USP32: variants seen among roughly 807,000 people sequenced by gnomAD.
USP32 encodes the protein ubiquitin specific peptidase 32, also known as ubiquitin carboxyl-terminal hydrolase 32.
Under a neutral mutation model 204.8 loss-of-function variants are expected in USP32, and 59 were observed. The observed-to-expected ratio is 0.29, with a 90% CI of 0.23 to 0.36. The LOEUF (loss-of-function observed/expected upper bound fraction) is 0.36, where lower values mean the gene tolerates loss of function less well. Ranked by LOEUF, USP32 falls within the 10% of genes least tolerant of loss-of-function variation. The pLI is 1.00. For missense variants in USP32, 1,160 were observed against 1,946.4 expected (o/e 0.60, Z 7.60); for synonymous variants, 517 against 678.4 (o/e 0.76, Z 3.70).
In USP32 at chr17:60,337,983, T is replaced by C. The variant is rs558929930; in HGVS notation, c.186+7498A>G. Among the ~76,000 whole-genome samples, 11 of 152,324 alleles carry C rather than the reference T, an allele frequency of 7.2e-5. No individual in the cohort carries two copies. In the South Asian group the frequency reaches 1.7e-3, roughly 23 times the overall value. On this transcript the variant is annotated intron_variant, in intron 2 of 33. Transcript: ENST00000300896. ...TATGTACTACAGATTCAGGCTTTAATGCTTGAAAGAGAGTTTAGGATAAGA... is the reference window on the plus strand; with the variant it reads ...TATGTACTACAGATTCAGGCTTTAACGCTTGAAAGAGAGTTTAGGATAAGA...
At chr17:60,236,952 A>G (rs1197456688) in intron 11 of USP32, among the ~76,000 whole-genome samples, 13 of 152,154 alleles carry the variant, frequency 8.5e-5, no homozygotes. Flanking sequence ...ATAGTATTCC[A>G]CTGTATGTAT....
Position 60,208,748 on chromosome 17 carries a change from G to T in USP32, c.2679C>A (p.Cys893Ter), listed in dbSNP as rs2084892608. The T allele has an allele frequency of 6.2e-7, 1 of 1,605,404 alleles. No individual in the cohort carries two copies. The highest frequency in any genetic ancestry group is 8.5e-7 in the Non-Finnish European group (1 of 1,177,080). Residue 893 changes from cysteine to a stop codon, truncating the protein, a stop_gained, in exon 23 of 34, where the codon TGC becomes TGA. Coordinates refer to ENST00000300896, the MANE Select transcript of USP32 (RefSeq NM_032582.4). LOFTEE classifies it high-confidence loss of function. ...FHGQLRSQVKCKTCGHISVRF... is the reference protein window; with the variant it reads ...FHGQLRSQVK ...GGACACTTATATGCCCACATGTCTT[G>T]CATTTTACTTGAGATCTTAGCTGCC... is the stretch of plus-strand genomic sequence containing the variant.
intron 1 of USP32, among the ~76,000 whole-genome samples, chr17:60,403,498 A>G (rs1219439465): frequency 2.0e-5 from 3 of 152,168 alleles, no homozygotes; most frequent in Non-Finnish European, 4.4e-5. Flanking sequence ...TGTAAGATGC[A>G]TACACCGTTT....
chr17:60,305,240 G>A (rs2087693506), intron 2 of USP32: 1 of 152,194 alleles, frequency 6.6e-6, no homozygotes, highest in Admixed American at 6.5e-5. Flanking sequence ...AGCTTCTCAT[G>A]AGGCCTCAGA....
At chr17:60,276,268 C>T (rs1018170834) in intron 5 of USP32, among the ~76,000 whole-genome samples, 10 of 151,954 alleles carry the variant, frequency 6.6e-5, no homozygotes, top group Non-Finnish European at 1.0e-4. Flanking sequence ...ATGCTGTTTT[C>T]GTTTTTTAAT....
Position 60,255,287 on chromosome 17 carries a change from A to C in USP32, c.991-29T>G, listed in dbSNP as rs374476139. The stretch of plus-strand genomic sequence containing the variant: ...AAACAGAGACACTCATGTTAGGAAC[A>C]TCTTTTTTTTCTTTTTTTTTTTTTT... On this transcript the variant is annotated intron_variant, in intron 9 of 33. Transcript: ENST00000300896. 6.7e-6 allele frequency: 10 copies of C among 1,502,340 alleles called. No homozygotes were observed. The African/African-American group carries it at 1.5e-4, about 22-fold the overall frequency. The allele number at this position is 1,502,340 out of a possible 1,614,324, so 93.1% of individuals were successfully genotyped here.
intron 11 of USP32, among the ~76,000 whole-genome samples, chr17:60,247,440 A>T (rs2086058956): frequency 1.3e-5 from 2 of 152,146 alleles, no homozygotes; most frequent in African/African-American, 4.8e-5. Context: ...TCGGCCTCCC[A>T]AAGTGCTGGG....
chr17:60,230,896 A>T (rs2085529736), intron 12 of USP32, among the ~76,000 whole-genome samples: 1 of 152,164 alleles, frequency 6.6e-6, no homozygotes, highest in Non-Finnish European at 1.5e-5. Context: ...TTGACTGTTC[A>T]TTTCTGGCTG....
In USP32 at chr17:60,223,632, A is replaced by G. The variant is rs1004051224; in HGVS notation, c.1433-46T>C. Reference sequence around the variant, plus strand: ...AGAATCTCTTATTTTTAGTTATTATACATAAACAGGCTTGAGGATATGAAC... The same window carrying G: ...AGAATCTCTTATTTTTAGTTATTATGCATAAACAGGCTTGAGGATATGAAC... On this transcript the variant is annotated intron_variant, in intron 13 of 33. Coordinates refer to ENST00000300896, the MANE Select transcript of USP32 (RefSeq NM_032582.4). 30 of 1,531,584 alleles carry G rather than the reference A, an allele frequency of 2.0e-5. 1 individual carries two copies. Among genetic ancestry groups the G allele is most frequent in the East Asian group, 1.1e-4 (5 of 44,142 alleles). The allele number at this position is 1,531,584 out of a possible 1,614,324, so 94.9% of individuals were successfully genotyped here. A position where few individuals can be genotyped will look rare whatever the true frequency, so the allele number is the denominator to read the frequency against.
intron 14 of USP32, 76 bp from the exon 15 acceptor site, chr17:60,222,625 G>A: frequency 7.1e-7 from 1 of 1,418,230 alleles, no homozygotes; most frequent in Non-Finnish European, 9.6e-7. Flanking sequence ...CCTAGAAACA[G>A]GAAAACAAAC....
At chr17:60,227,096 T>A (rs910681313) in intron 12 of USP32, among the ~76,000 whole-genome samples, 22 of 151,546 alleles carry the variant, frequency 1.5e-4, no homozygotes, top group African/African-American at 5.1e-4. Flanking sequence ...TTGTATTGTT[T>A]ATATAGTGCT....
At position 60,259,555 on chromosome 17, in the gene USP32, C is replaced by T. The variant is rs574184912; in HGVS notation, c.991-4297G>A. Among the ~76,000 whole-genome samples the T allele has an allele frequency of 1.4e-4, 22 of 152,090 alleles. No homozygotes were observed. The South Asian group carries it at 1.7e-3, about 11-fold the overall frequency. ...AGCCACTAACCTGAACTGGAATAAG[C>T]GGGTTGGAAATGAATACAAATTACC... On this transcript the variant is annotated intron_variant, in intron 9 of 33. Transcript: ENST00000300896.
intron 1 of USP32, among the ~76,000 whole-genome samples, chr17:60,380,668 CAT>C (rs1272444040): frequency 2.0e-5 from 3 of 152,162 alleles, no homozygotes; most frequent in African/African-American, 7.2e-5. Flanking sequence ...TAGGAATACA[CAT>C]GTCAAATTAT....
At chr17:60,228,064 C>T (rs372244335) in intron 12 of USP32, among the ~76,000 whole-genome samples, 32 of 151,048 alleles carry the variant, frequency 2.1e-4, no homozygotes, top group African/African-American at 7.3e-4. Context: ...CAAGCTCTGT[C>T]GCCCAGGCTG....
chr17:60,349,666 C>CAT (rs199503346), intron 1 of USP32, among the ~76,000 whole-genome samples: 18,605 of 108,916 alleles, frequency 0.17, 3,644 homozygotes, highest in African/African-American at 0.51. Context: ...TATATATACA[C>CAT]ATATATATAT....
intron 28 of USP32, among the ~76,000 whole-genome samples, chr17:60,192,117 C>T (rs2084398740): frequency 1.3e-5 from 2 of 151,826 alleles, no homozygotes; most frequent in Admixed American, 1.3e-4. Flanking sequence ...ATGGCAAAAC[C>T]CCATTTCTAC....
intron 1 of USP32, among the ~76,000 whole-genome samples, chr17:60,415,818 T>C (rs1180930205): frequency 3.3e-5 from 5 of 152,250 alleles, no homozygotes; most frequent in East Asian, 3.9e-4. Flanking sequence ...TTTTAAGATA[T>C]GCTTGGTGGT....
At chr17:60,346,105 AATAAGT>A in intron 1 of USP32, among the ~76,000 whole-genome samples, 1 of 151,984 alleles carries the variant, frequency 6.6e-6, no homozygotes, top group Non-Finnish European at 1.5e-5. Flanking sequence ...TAATTTAGAA[AATAAGT>A]ATAATTTTTT....
chr17:60,259,193 T>C (rs2086391308), intron 9 of USP32, among the ~76,000 whole-genome samples: 1 of 152,280 alleles, frequency 6.6e-6, no homozygotes, highest in East Asian at 1.9e-4. Flanking sequence ...GAAGATGCAT[T>C]TACAGATCAC....
Sources: gnomAD v4.1 joint callset for allele counts (sites outside exome capture counted in the v4.1 genomes callset) on GRCh38, gnomAD v4.1.1 for gene constraint, MANE v1.5 for transcripts, NCBI Gene and HGNC (gene_info 2026-07-23, HGNC 2026-07-21) for gene names.